The following PER3 variants were observed in gnomAD, a reference collection of about 807,000 sequenced individuals.
The protein encoded by PER3 is period circadian regulator 3, also known as period circadian protein homolog 3.
Under a neutral mutation model 127.2 loss-of-function variants are expected in PER3, and 107 were observed. That is an observed-to-expected ratio of 0.84 (90% CI 0.72 to 0.99). The LOEUF (loss-of-function observed/expected upper bound fraction) is 0.99. PER3 is among the 50% of genes least tolerant of loss of function. The pLI is 0.00. For missense variants in PER3, 1,560 were observed against 1,525.8 expected (o/e 1.02, Z -0.37); for synonymous variants, 618 against 585.8 (o/e 1.05, Z -0.79).
chr1:7,836,119 T>C (rs1317716033), intron 20 of PER3, among the ~76,000 whole-genome samples, 174 bp downstream of exon 20: 1 of 152,218 alleles, frequency 6.6e-6, no homozygotes, highest in South Asian at 2.1e-4. Context: ...TGCCTCAGCC[T>C]CCCGAGTAGC....
Position 7,800,907 on chromosome 1 carries a change from C to CAATTTTAAT in PER3, c.794-204_794-203insTTTTAATAA, listed in dbSNP as rs1558405557. Among the ~76,000 whole-genome samples the CAATTTTAAT allele has an allele frequency of 1.7e-4, 25 of 151,378 alleles. No homozygotes were observed. The South Asian group carries it at 5.2e-3, about 32-fold the overall frequency. On this transcript the variant is annotated intron_variant, in intron 7 of 21. Transcript: ENST00000377532. The stretch of plus-strand genomic sequence containing the variant: ...GTTTAAAATTGACTTTAATAGGCTT[C>CAATTTTAAT]AAATTTTTACCTAATTAAAATGTAG...
chr1:7,819,220 G>C, intron 13 of PER3, 65 bp from the exon 14 acceptor site: 1 of 1,417,906 alleles, frequency 7.1e-7, no homozygotes, highest in Non-Finnish European at 9.7e-7. Flanking sequence ...ATTTTGGTAA[G>C]AAAGTATATG....
chr1:7,830,287 C>T (rs959254753), intron 19 of PER3, 126 bp downstream of exon 19: 29 of 815,222 alleles, frequency 3.6e-5, no homozygotes, highest in Non-Finnish European at 5.0e-5. Flanking sequence ...TTCCCTTTTT[C>T]CTTTTTGTCA....
rs1211005807 is a variant in PER3 at position 7,827,750 on chromosome 1, G to A, written c.2821G>A (p.Glu941Lys). 13 of 1,613,956 alleles carry A rather than the reference G, an allele frequency of 8.1e-6. No individual in the cohort carries two copies. The highest frequency in any genetic ancestry group is 1.7e-5 in the Admixed American group (1 of 60,006). Residue 941 changes from glutamate to lysine, a missense_variant, in exon 18 of 22, where the codon GAG becomes AAG. Around this residue, in one of 3 missense-constraint regions of PER3, gnomAD observed 1,332 missense variants for 1,223.6 expected, o/e 1.09. Coordinates refer to ENST00000377532, the MANE Select transcript of PER3 (RefSeq NM_001377275.1). ...CTTGCAGTTAAACTTACTTCAGGAAGAGATGCCCAGACCCTCTGAATCTCC... is the reference window on the plus strand; with the variant it reads ...CTTGCAGTTAAACTTACTTCAGGAAAAGATGCCCAGACCCTCTGAATCTCC... ...SPLQLNLLQE[E>K]MPRPSESPDQ...
chr1:7,792,682 A>G (rs1020611743), intron 5 of PER3, among the ~76,000 whole-genome samples: 6 of 152,190 alleles, frequency 3.9e-5, no homozygotes, highest in African/African-American at 1.2e-4. Context: ...TTAGGAAGCA[A>G]TCCACTCAGC....
intron 8 of PER3, among the ~76,000 whole-genome samples, chr1:7,801,597 A>C (rs1389753388): frequency 1.3e-5 from 2 of 152,148 alleles, no homozygotes; most frequent in African/African-American, 4.8e-5. Flanking sequence ...TTTATGATGA[A>C]ATTTCAGTTA....
At chr1:7,840,787 T>TC (rs1177924128) in intron 21 of PER3, among the ~76,000 whole-genome samples, 4 of 151,648 alleles carry the variant, frequency 2.6e-5, no homozygotes, top group African/African-American at 9.7e-5. Flanking sequence ...TTTTTTTTTT[T>TC]CCCAGAGATG....
intron 4 of PER3, chr1:7,787,088 C>CT (rs1221970510): frequency 2.6e-6 from 1 of 382,522 alleles, no homozygotes; most frequent in Non-Finnish European, 4.6e-6. Context: ...AGCTCCTTAG[C>CT]ATTCCCAAGC....
intron 16 of PER3, among the ~76,000 whole-genome samples, 159 bp downstream of exon 16, chr1:7,820,799 C>G (rs1483973900): frequency 6.6e-6 from 1 of 152,124 alleles, no homozygotes; most frequent in Non-Finnish European, 1.5e-5. Context: ...GAAACATTAT[C>G]ATGTTTATGT....
At chr1:7,800,827 CAAA>C (rs35065134) in intron 7 of PER3, among the ~76,000 whole-genome samples, 3 of 100,674 alleles carry the variant, frequency 3.0e-5, no homozygotes, top group African/African-American at 3.2e-5. Context: ...ACTCTGTCTC[CAAA>C]AAAAAAAAAA....
chr1:7,826,501 G>A lies in PER3; in HGVS notation c.1979G>A (p.Cys660Tyr). 2 of 1,612,024 alleles carry A rather than the reference G, an allele frequency of 1.2e-6. No individual in the cohort carries two copies. Among genetic ancestry groups the A allele is most frequent in the East Asian group, 2.2e-5 (1 of 44,870 alleles). ...TCAGCCAGGGATGCTACCCTCTTCT[G>A]TGAGCCCTGGACCCTGAACATGCAG... The part of the protein sequence containing the change: ...PETARDATLF[C>Y]EPWTLNMQPA... Residue 660 changes from cysteine to tyrosine, a missense_variant, in exon 17 of 22, where the codon TGT becomes TAT. Transcript: ENST00000377532. This position sits in a 1 kb window ranked among gnomAD's most constrained non-coding sequence, Gnocchi z 4.2.
intron 13 of PER3, among the ~76,000 whole-genome samples, chr1:7,817,887 A>G (rs78531486): frequency 0.012 from 1,753 of 152,336 alleles, 39 homozygotes; most frequent in African/African-American, 0.039. Context: ...TATTTATTAC[A>G]TTGTAAAATA....
chr1:7,826,491 A>G lies in PER3; in HGVS notation c.1969A>G (p.Thr657Ala). 2 of 1,606,352 alleles carry G rather than the reference A, an allele frequency of 1.2e-6. No individual in the cohort carries two copies. The highest frequency in any genetic ancestry group is 1.3e-5 in the African/African-American group (1 of 74,852). Residue 657 changes from threonine to alanine, a missense_variant, in exon 17 of 22, where the codon ACC becomes GCC. Around this residue, in one of 3 missense-constraint regions of PER3, gnomAD observed 1,332 missense variants for 1,223.6 expected, o/e 1.09. Coordinates refer to ENST00000377532, the MANE Select transcript of PER3 (RefSeq NM_001377275.1). The surrounding 1 kb of genome is among the most constrained non-coding windows in gnomAD (Gnocchi z 4.2). ...TTCTTCCACCTCAGCCAGGGATGCT[A>G]CCCTCTTCTGTGAGCCCTGGACCCT... Reference protein sequence around the residue: ...VPPPETARDATLFCEPWTLNM... With the variant: ...VPPPETARDAALFCEPWTLNM...
At chr1:7,820,845 T>C (rs17031607) in intron 16 of PER3, among the ~76,000 whole-genome samples, 234 of 152,384 alleles carry the variant, frequency 1.5e-3, no homozygotes, top group African/African-American at 5.4e-3. Flanking sequence ...CTCAGTTATG[T>C]TATTTGTCAA....
At chr1:7,835,449 G>A (rs550091492) in intron 19 of PER3, among the ~76,000 whole-genome samples, 1 of 152,306 alleles carries the variant, frequency 6.6e-6, no homozygotes, top group East Asian at 1.9e-4. Flanking sequence ...ATTTATAGTT[G>A]AAATAATTGA....
chr1:7,820,032 A>G (rs2097268607), intron 14 of PER3, 83 bp from the exon 15 acceptor site: 7 of 1,355,990 alleles, frequency 5.2e-6, no homozygotes, highest in Non-Finnish European at 7.2e-6. Flanking sequence ...GCCAAACATA[A>G]GTGGCATGAG....
At chr1:7,818,832 T>C (rs1399367571) in intron 13 of PER3, among the ~76,000 whole-genome samples, 1 of 152,266 alleles carries the variant, frequency 6.6e-6, no homozygotes, top group East Asian at 1.9e-4. Context: ...GAAAGTTCTG[T>C]TGGACACAGG....
chr1:7,830,976 T>C (rs995850260), intron 19 of PER3, among the ~76,000 whole-genome samples: 2 of 152,360 alleles, frequency 1.3e-5, no homozygotes, highest in Admixed American at 1.3e-4. Flanking sequence ...ATATAAATTA[T>C]AGACTCCATT....
intron 13 of PER3, among the ~76,000 whole-genome samples, chr1:7,814,013 T>C (rs1242420801): frequency 1.3e-5 from 2 of 152,078 alleles, no homozygotes; most frequent in Non-Finnish European, 2.9e-5. Context: ...AACCCTCAAA[T>C]GGAAATGTAA....
Sources: gnomAD v4.1 joint callset for allele counts (sites outside exome capture counted in the v4.1 genomes callset) on GRCh38, gnomAD v4.1.1 for gene constraint, gnomAD v4.1.1 regional missense constraint, Gnocchi (gnomAD v3.1) non-coding constraint, MANE v1.5 for transcripts, NCBI Gene and HGNC (gene_info 2026-07-23, HGNC 2026-07-21) for gene names.